NCKAP5: variants seen among roughly 807,000 people sequenced by gnomAD.
The protein encoded by NCKAP5 is nck-associated protein 5.
NCKAP5 carries 92 observed loss-of-function variants against 167.0 expected under a neutral mutation model. The ratio of observed to expected loss-of-function variants is 0.55; its 90% CI spans 0.47 to 0.66. The LOEUF (loss-of-function observed/expected upper bound fraction) is 0.66. Among genes scored for constraint, NCKAP5 ranks in the 30% least tolerant of loss-of-function variants. The pLI is 0.00. For synonymous variants in NCKAP5, 891 were observed against 877.4 expected (o/e 1.02, Z -0.27); for missense variants, 2,378 against 2,315.0 (o/e 1.03, Z -0.56).
chr2:133,242,119 C>CAAAA (rs1176776551), intron 4 of NCKAP5, among the ~76,000 whole-genome samples: 13 of 48,232 alleles, frequency 2.7e-4, no homozygotes, highest in African/African-American at 5.6e-4. Flanking sequence ...AACTCTGTCT[C>CAAAA]AAAAAAAAAA....
intron 3 of NCKAP5, among the ~76,000 whole-genome samples, chr2:133,512,725 T>A (rs942771867): frequency 6.6e-6 from 1 of 152,070 alleles, no homozygotes; most frequent in Non-Finnish European, 1.5e-5. Context: ...GGAGAAAAAA[T>A]TCAGTAATGA....
intron 3 of NCKAP5, among the ~76,000 whole-genome samples, chr2:133,433,189 T>C (rs994255330): frequency 3.3e-5 from 5 of 152,238 alleles, no homozygotes; most frequent in African/African-American, 9.6e-5. Context: ...TTGTATGACT[T>C]TAATGTGGTA....
chr2:133,308,593 T>C (rs1475161109), intron 3 of NCKAP5, among the ~76,000 whole-genome samples: 1 of 151,948 alleles, frequency 6.6e-6, no homozygotes, highest in Admixed American at 6.6e-5. Context: ...GAAATACTAT[T>C]TGTGACAATA....
intron 8 of NCKAP5, among the ~76,000 whole-genome samples, chr2:132,922,751 A>T (rs189709583): frequency 2.0e-5 from 3 of 152,310 alleles, no homozygotes; most frequent in Admixed American, 6.5e-5. Flanking sequence ...GAGCCTCAAA[A>T]ATCATACAGC....
intron 3 of NCKAP5, among the ~76,000 whole-genome samples, chr2:133,495,207 G>C (rs1014548825): frequency 6.6e-6 from 1 of 152,134 alleles, no homozygotes; most frequent in East Asian, 1.9e-4. Context: ...TCCATAAAAT[G>C]TATAAAACCA....
At chr2:132,713,551 A>G (rs1045148429) in intron 19 of NCKAP5, among the ~76,000 whole-genome samples, 4 of 152,228 alleles carry the variant, frequency 2.6e-5, no homozygotes, top group African/African-American at 9.6e-5. Flanking sequence ...TGCTGTTGGC[A>G]TAGCTTCCAG....
intron 8 of NCKAP5, among the ~76,000 whole-genome samples, chr2:132,923,505 A>T (rs925869072): frequency 6.6e-6 from 1 of 152,226 alleles, no homozygotes; most frequent in Non-Finnish European, 1.5e-5. Flanking sequence ...CCAATTTCTC[A>T]CTAAAGTGAA....
intron 4 of NCKAP5, among the ~76,000 whole-genome samples, chr2:133,268,096 C>T (rs1481669819): frequency 6.6e-6 from 1 of 152,150 alleles, no homozygotes; most frequent in Non-Finnish European, 1.5e-5. Context: ...ATTTTAAGCC[C>T]TTTATTCAGA....
chr2:133,298,102 A>G (rs1574635044), intron 4 of NCKAP5, among the ~76,000 whole-genome samples: 1 of 152,212 alleles, frequency 6.6e-6, no homozygotes, highest in Non-Finnish European at 1.5e-5. Context: ...TCTAAAAACA[A>G]TTTGGCTACA....
chr2:133,100,099 G>C (rs2081461904), intron 6 of NCKAP5, among the ~76,000 whole-genome samples: 1 of 152,180 alleles, frequency 6.6e-6, no homozygotes, highest in African/African-American at 2.4e-5. Context: ...AAAGTTAACA[G>C]GGTAGATGAG....
At chr2:133,383,820 G>A (rs1300798937) in intron 3 of NCKAP5, among the ~76,000 whole-genome samples, 1 of 152,216 alleles carries the variant, frequency 6.6e-6, no homozygotes, top group Non-Finnish European at 1.5e-5. Context: ...GGCCAGTGAT[G>A]ACAAGCATTT....
At chr2:133,275,279 A>G (rs1472888170) in intron 4 of NCKAP5, among the ~76,000 whole-genome samples, 1 of 152,084 alleles carries the variant, frequency 6.6e-6, no homozygotes, top group Non-Finnish European at 1.5e-5. Context: ...ATGTGTAGAA[A>G]GACCTCTTCC....
intron 5 of NCKAP5, among the ~76,000 whole-genome samples, chr2:133,139,568 TTTTAA>T (rs1291460715): frequency 5.9e-5 from 9 of 152,246 alleles, no homozygotes; most frequent in Middle Eastern, 3.4e-3. Flanking sequence ...AAGGCATTGG[TTTTAA>T]TTTGATTCTG....
At chr2:133,491,528 A>G (rs1373198620) in intron 3 of NCKAP5, among the ~76,000 whole-genome samples, 1 of 152,206 alleles carries the variant, frequency 6.6e-6, no homozygotes, top group Non-Finnish European at 1.5e-5. Flanking sequence ...AGCAGAGGGC[A>G]ATGGGAAAAG....
Position 133,398,886 on chromosome 2 carries a change from C to A in NCKAP5, c.70-95776G>T, listed in dbSNP as rs185276458. ...GTTTAAACACTTGACTTAAACTTAG[C>A]CAATCACAGGCACCAGGAAACAGCC... On this transcript the variant is annotated intron_variant, in intron 3 of 19. Coordinates refer to ENST00000409261, the MANE Select transcript of NCKAP5 (RefSeq NM_207363.3). Among the ~76,000 whole-genome samples, 974 of 152,136 alleles carry A rather than the reference C, an allele frequency of 6.4e-3. 7 individuals are homozygous for A. Among genetic ancestry groups the A allele is most frequent in the Middle Eastern group, 0.01 (3 of 294 alleles).
At chr2:133,082,970 G>C (rs2080862319) in intron 6 of NCKAP5, among the ~76,000 whole-genome samples, 1 of 152,060 alleles carries the variant, frequency 6.6e-6, no homozygotes, top group Non-Finnish European at 1.5e-5. Context: ...TTCCTCCCCA[G>C]AAACGAAGAA....
At chr2:133,129,893 T>C in intron 6 of NCKAP5, 85 bp downstream of exon 6, 1 of 1,398,634 alleles carries the variant, frequency 7.1e-7, no homozygotes, top group Non-Finnish European at 9.4e-7. Context: ...AACAGAAGCT[T>C]ACTCAATGGA....
rs761139211 is a variant in NCKAP5 at position 132,784,583 on chromosome 2, A to C, written c.2228T>G (p.Ile743Ser). 6.3e-6 allele frequency: 10 copies of C among 1,590,054 alleles called. No individual in the cohort carries two copies. In the African/African-American group the frequency reaches 1.4e-4, roughly 22 times the overall value. The change falls in exon 14 of 20, where the codon ATT (isoleucine) becomes AGT (serine). Residue 743 changes from isoleucine to serine, a missense_variant. Physicochemically the swap from Ile to Ser is moderately radical, Grantham distance 142 (BLOSUM62 -2). Around this residue, in one of 3 missense-constraint regions of NCKAP5, gnomAD observed 1,049 missense variants for 1,023.4 expected, o/e 1.02. Transcript: ENST00000409261. ...AACATTATCTACATTATCTTTTGGA[A>C]TGTTTTTCTCAGTGTCCTCTTCAGA... The part of the protein sequence containing the change: ...KRSEEDTEKN[I>S]PKDNVDNVPR...
chr2:133,321,097 C>A lies in NCKAP5; in HGVS notation c.70-17987G>T, dbSNP rs116240474. Reference sequence around the variant, plus strand: ...TCCATCCAGTGAGCCTGATCACTGACCCATGTCTTGCCTTATCCCAGGTGG... The same window carrying A: ...TCCATCCAGTGAGCCTGATCACTGAACCATGTCTTGCCTTATCCCAGGTGG... On this transcript the variant is annotated intron_variant, in intron 3 of 19. Transcript: ENST00000409261. 7.6e-3 allele frequency among the ~76,000 whole-genome samples: 1,153 copies of A among 152,310 alleles called. 23 individuals are homozygous for A. Among genetic ancestry groups the A allele is most frequent in the South Asian group, 0.073 (353 of 4,826 alleles).
Sources: gnomAD v4.1 joint callset for allele counts (sites outside exome capture counted in the v4.1 genomes callset) on GRCh38, gnomAD v4.1.1 for gene constraint, gnomAD v4.1.1 regional missense constraint, MANE v1.5 for transcripts, NCBI Gene and HGNC (gene_info 2026-07-23, HGNC 2026-07-21) for gene names.